NAALADL1: variants seen among roughly 807,000 people sequenced by gnomAD.
The protein encoded by NAALADL1 is aminopeptidase NAALADL1.
A neutral mutation model predicts 82.8 loss-of-function variants in NAALADL1; 77 were observed. That is an observed-to-expected ratio of 0.93 (90% confidence interval 0.77 to 1.12). NAALADL1 has a LOEUF of 1.12. Among genes scored for constraint, NAALADL1 ranks in the 50% most tolerant of loss-of-function variants. The pLI is 0.00. For synonymous variants in NAALADL1, 358 were observed against 399.2 expected, an observed-to-expected ratio of 0.90 and a Z score of 1.23; for missense variants, 956 against 964.0, an observed-to-expected ratio of 0.99 and a Z score of 0.11.
chr11:65,044,928 C>T lies in NAALADL1; in HGVS notation c.*343G>A, dbSNP rs2136960727. ...CAGACTAGCCAAGGCCTAAGGTACCCCAAGACTCACTTTCGCCACTGGTCC... is the reference window on the plus strand; with the variant it reads ...CAGACTAGCCAAGGCCTAAGGTACCTCAAGACTCACTTTCGCCACTGGTCC... On this transcript the variant is annotated 3_prime_UTR_variant, in exon 18 of 18. Transcript: ENST00000358658. The surrounding 1 kb of genome is among the most constrained non-coding windows in gnomAD (Gnocchi z 4.0). The T allele has an allele frequency of 1.5e-6, 1 of 682,056 alleles. No individual in the cohort carries two copies. The highest frequency in any genetic ancestry group is 2.4e-6 in the Non-Finnish European group (1 of 414,740). The allele number at this position is 682,056 out of a possible 1,614,324, so 42.3% of individuals were successfully genotyped here. A position where few individuals can be genotyped will look rare whatever the true frequency, so the allele number is the denominator to read the frequency against.
chr11:65,059,765 C>G (rs1416978311), upstream of NAALADL1, among the ~76,000 whole-genome samples: 1 of 152,228 alleles, frequency 6.6e-6, no homozygotes, highest in Non-Finnish European at 1.5e-5. Flanking sequence ...GGCAGACAGG[C>G]TTTAGGTTCA....
Position 65,045,843 on chromosome 11 carries a change from A to G in NAALADL1, c.2015T>C (p.Phe672Ser), listed in dbSNP as rs1946708305. The change falls in exon 17 of 18, where the codon TTC becomes TCC. Residue 672 changes from phenylalanine to serine, a missense_variant. Physicochemically the swap from Phe to Ser is radical, Grantham distance 155. Transcript: ENST00000358658. ...TCACCTGTAGTAGCGTTCCTCTGGG[A>G]AGGCTCTAGGGTTCAGAAAGGTCCG... The part of the protein sequence containing the change: ...LERTFLNPRA[F>S]PEERYYSHVL... 1 of 1,613,932 alleles carries G rather than the reference A, an allele frequency of 6.2e-7. No individual in the cohort carries two copies. Among genetic ancestry groups the G allele is most frequent in the Non-Finnish European group, 8.5e-7 (1 of 1,179,976 alleles).
intron 4 of NAALADL1, among the ~76,000 whole-genome samples, chr11:65,056,606 C>T (rs1328291480): frequency 4.6e-5 from 7 of 151,932 alleles, no homozygotes; most frequent in African/African-American, 1.5e-4. Flanking sequence ...GGGGTTTCAC[C>T]GTGTTGCCCA....
intron 13 of NAALADL1, 133 bp from the exon 14 acceptor site, chr11:65,046,659 C>T: frequency 1.2e-6 from 1 of 855,760 alleles, no homozygotes; most frequent in Non-Finnish European, 1.9e-6. Flanking sequence ...TTCTAGAATT[C>T]CCACAGAAAA....
chr11:65,059,574 G>A (rs973032142), upstream of NAALADL1, among the ~76,000 whole-genome samples: 11 of 152,206 alleles, frequency 7.2e-5, no homozygotes, highest in East Asian at 9.6e-4. Context: ...CCTCCCTGGC[G>A]AGGTGACTTC....
chr11:65,056,012 G>A (rs1376681722), intron 4 of NAALADL1, among the ~76,000 whole-genome samples: 4 of 151,244 alleles, frequency 2.6e-5, no homozygotes, highest in African/African-American at 4.9e-5. Context: ...CAACCTCTGA[G>A]TAGCTGGGAT....
At chr11:65,058,280 C>T in intron 1 of NAALADL1, 30 bp from the exon 2 acceptor site, 2 of 1,613,620 alleles carry the variant, frequency 1.2e-6, no homozygotes, top group African/African-American at 2.7e-5. Flanking sequence ...AGGGGCAGGG[C>T]CAGCATCAGG....
In NAALADL1 at chr11:65,058,413, G is replaced by T. The variant is rs1947108543; in HGVS notation, c.109C>A (p.Pro37Thr). The T allele has an allele frequency of 5.6e-6, 9 of 1,614,038 alleles. No homozygotes were observed. In the South Asian group the frequency reaches 9.9e-5, roughly 18 times the overall value. The change falls in exon 1 of 18, where the codon CCC (proline) becomes ACC (threonine). Residue 37 changes from proline to threonine, a missense_variant. Pro to Thr is a conservative substitution (Grantham distance 38). Transcript: ENST00000358658. Reference sequence around the variant, plus strand: ...AGGATCTCCAGGTCCAGGTCCTGGGGGGCCAGTGAGTTGGCTTTTTTGGGG... The same window carrying T: ...AGGATCTCCAGGTCCAGGTCCTGGGTGGCCAGTGAGTTGGCTTTTTTGGGG... Reference protein sequence around the residue: ...AIPKKANSLAPQDLDLEILET... With the variant: ...AIPKKANSLATQDLDLEILET...
upstream of NAALADL1, among the ~76,000 whole-genome samples, chr11:65,059,094 C>A (rs1292582908): frequency 2.0e-5 from 3 of 151,272 alleles, no homozygotes; most frequent in African/African-American, 7.3e-5. Context: ...CTCACTGCAA[C>A]CTCCACCTCC....
At chr11:65,055,845 CCTT>C (rs1413608281) in intron 4 of NAALADL1, among the ~76,000 whole-genome samples, 4 of 150,298 alleles carry the variant, frequency 2.7e-5, no homozygotes, top group African/African-American at 9.8e-5. Flanking sequence ...TCTCCACCTT[CCTT>C]CTTTCTTTCT....
intron 8 of NAALADL1, among the ~76,000 whole-genome samples, chr11:65,052,675 C>T (rs1386436291): frequency 6.6e-6 from 1 of 152,152 alleles, no homozygotes; most frequent in East Asian, 1.9e-4. Context: ...TCACCGGCTT[C>T]CCACAACCCT....
At chr11:65,057,598 C>T in intron 3 of NAALADL1, 105 bp from the exon 4 acceptor site, 11 of 1,419,102 alleles carry the variant, frequency 7.8e-6, no homozygotes, top group Non-Finnish European at 1.0e-5. Flanking sequence ...GATTCTGTTC[C>T]CCCACCTCAC....
chr11:65,058,228 G>C lies in NAALADL1; in HGVS notation c.208C>G (p.Leu70Val), dbSNP rs779375173. ...TCCTCATCCCGAGGGCTGGAGGCCA[G>C]GTGTGGCTCCCTGGAGAGTTCTCTG... Reference protein sequence around the residue: ...NLRELSREPHLASSPRDEDLV... With the variant: ...NLRELSREPHVASSPRDEDLV... The change falls in exon 2 of 18, where the codon CTG becomes GTG. Residue 70 changes from leucine to valine, a missense_variant. Leu to Val is a conservative substitution (Grantham distance 32). Transcript: ENST00000358658. The C allele has an allele frequency of 7.4e-6, 12 of 1,613,524 alleles. No individual in the cohort carries two copies. Among genetic ancestry groups the C allele is most frequent in the Admixed American group, 1.7e-5 (1 of 59,980 alleles).
chr11:65,047,973 C>G lies in NAALADL1; in HGVS notation c.1416+8G>C. 4 of 1,606,258 alleles carry G rather than the reference C, an allele frequency of 2.5e-6. No homozygotes were observed. The highest frequency in any genetic ancestry group is 3.4e-6 in the Non-Finnish European group (4 of 1,176,588). On this transcript the variant is annotated splice_region_variant and intron_variant, in intron 11 of 17. Transcript: ENST00000358658. ...TAGTTCAGCCCCGCCCGGCCTGCCCCCTTCCACCTCTTTGGTTGCAGAGAA... is the reference window on the plus strand; with the variant it reads ...TAGTTCAGCCCCGCCCGGCCTGCCCGCTTCCACCTCTTTGGTTGCAGAGAA...
intron 11 of NAALADL1, 46 bp downstream of exon 11, chr11:65,047,935 G>A (rs1437130835): frequency 2.4e-6 from 2 of 838,976 alleles, no homozygotes; most frequent in Non-Finnish European, 3.2e-6. Flanking sequence ...CGCCGCACGC[G>A]GCCCGCCCCA....
chr11:65,060,738 T>TA (rs577131843), upstream of NAALADL1, among the ~76,000 whole-genome samples: 31 of 152,226 alleles, frequency 2.0e-4, 1 homozygote, highest in South Asian at 6.2e-3. Context: ...GTTAACTTAG[T>TA]CAATTTTCTT....
At position 65,048,099 on chromosome 11, in the gene NAALADL1, C is replaced by T. The variant is rs1375209499; in HGVS notation, c.1349-51G>A. On this transcript the variant is annotated intron_variant, in intron 10 of 17. Coordinates refer to ENST00000358658, the MANE Select transcript of NAALADL1 (RefSeq NM_005468.3). ...TTTGGGCCCCAGCCCCTTCTTTTAC[C>T]CACCCAGTCGTCCCGCCGTCTCCTC... 3.1e-6 allele frequency: 5 copies of T among 1,613,874 alleles called. No homozygotes were observed. In the East Asian group the frequency reaches 6.7e-5, roughly 22 times the overall value.
chr11:65,054,325 G>GTGGGAGGGAGCTT lies in NAALADL1; in HGVS notation c.916_917insAAGCTCCCTCCCA (p.Thr306LysfsTer23). The stretch of plus-strand genomic sequence containing the variant: ...GTGGCAGCCCAGTGCTCCCTGCCAG[G>GTGGGAGGGAGCTT]TGGCTGGGGCCAAAGTTCCGTTGAG... On this transcript the variant is annotated frameshift_variant, in exon 6 of 18. Transcript: ENST00000358658. LOFTEE classifies it high-confidence loss of function. The surrounding 1 kb of genome is among the most constrained non-coding windows in gnomAD (Gnocchi z 4.3). The GTGGGAGGGAGCTT allele has an allele frequency of 6.2e-7, 1 of 1,614,132 alleles. No individual in the cohort carries two copies. Among genetic ancestry groups the GTGGGAGGGAGCTT allele is most frequent in the Non-Finnish European group, 8.5e-7 (1 of 1,180,020 alleles).
In NAALADL1 at chr11:65,046,091, TCTC is replaced by T. The variant is rs779362971; in HGVS notation, c.1876_1878del (p.Glu626del). The T allele has an allele frequency of 1.2e-6, 2 of 1,614,010 alleles. No homozygotes were observed. Among genetic ancestry groups the T allele is most frequent in the South Asian group, 2.2e-5 (2 of 91,082 alleles). On this transcript the variant is annotated inframe_deletion, in exon 16 of 18. Coordinates refer to ENST00000358658, the MANE Select transcript of NAALADL1 (RefSeq NM_005468.3). ...AAGGCTGCAGCTTCTGCCTCAAACTTCTCCACTGCAGTCACCAGAGGCCCTGTG... is the reference window on the plus strand; with the variant it reads ...AAGGCTGCAGCTTCTGCCTCAAACTTCACTGCAGTCACCAGAGGCCCTGTG...
Sources: allele counts gnomAD v4.1 joint callset (sites outside exome capture counted in the v4.1 genomes callset), GRCh38; gene constraint gnomAD v4.1.1; non-coding constraint Gnocchi (gnomAD v3.1); transcripts MANE v1.5; gene names NCBI Gene and HGNC (gene_info 2026-07-23, HGNC 2026-07-21).